Variants in MBNL3 observed in about 807,000 individuals in gnomAD.
The protein encoded by MBNL3 is muscleblind-like protein 3.
Under a neutral mutation model 24.5 loss-of-function variants are expected in MBNL3, and 6 were observed. That is an observed-to-expected ratio of 0.25 (90% CI 0.13 to 0.48). MBNL3 has a LOEUF of 0.48. Ranked by LOEUF, MBNL3 falls within the 20% of genes least tolerant of loss-of-function variation. The pLI is 0.99. For synonymous variants in MBNL3, 100 were observed against 101.7 expected (o/e 0.98, Z 0.10); for missense variants, 230 against 293.5 (o/e 0.78, Z 1.58).
At chrX:132,393,830 A>G (rs139502350) in intron 3 of MBNL3, among the ~76,000 whole-genome samples, 14 of 111,117 alleles carry the variant, frequency 1.3e-4, no homozygotes, top group African/African-American at 3.9e-4. Flanking sequence ...CTGTGCCCAT[A>G]CCTGCTAAGT....
At chrX:132,451,751 C>A (rs1160489844) in intron 1 of MBNL3, among the ~76,000 whole-genome samples, 5 of 111,487 alleles carry the variant, frequency 4.5e-5, no homozygotes, top group Non-Finnish European at 9.4e-5. Flanking sequence ...CAGTGTCTCC[C>A]CAAACGGCTG....
chrX:132,375,973 T>A lies in MBNL3; in HGVS notation c.*3693A>T, dbSNP rs1368308902. The A allele has an allele frequency of 8.9e-6, 1 of 111,996 alleles. No homozygotes were observed. The highest frequency in any genetic ancestry group is 1.9e-5 in the Non-Finnish European group (1 of 53,070). The allele number at this position is 111,996 out of a possible 1,213,427, so 9.2% of individuals were successfully genotyped here. On this transcript the variant is annotated 3_prime_UTR_variant, in exon 9 of 9. Transcript: ENST00000370853. ...ATGTCATTCCTTATTCAGATACCAC[T>A]ATGCTTATTGGTAATGCTACTTAAA...
At chrX:132,397,454 ATAT>A (rs767719475) in intron 3 of MBNL3, among the ~76,000 whole-genome samples, 12 of 111,505 alleles carry the variant, frequency 1.1e-4, no homozygotes, top group Non-Finnish European at 1.9e-4. Context: ...TGAATGTAAA[ATAT>A]TTCAAAATCC....
chrX:132,393,548 G>GT (rs1937521581), intron 3 of MBNL3, among the ~76,000 whole-genome samples: 1 of 111,097 alleles, frequency 9.0e-6, no homozygotes, highest in African/African-American at 3.3e-5. Context: ...TGTCAATGTG[G>GT]TTTTATTCCT....
Position 132,382,292 on chromosome X carries a change from G to C in MBNL3, c.959-20C>G. 8.7e-7 allele frequency: 1 copy of C among 1,148,250 alleles called. No individual in the cohort carries two copies. Among genetic ancestry groups the C allele is most frequent in the Non-Finnish European group, 1.2e-6 (1 of 842,123 alleles). The allele number at this position is 1,148,250 out of a possible 1,213,427, so 94.6% of individuals were successfully genotyped here. A position where few individuals can be genotyped will look rare whatever the true frequency, so the allele number is the denominator to read the frequency against. On this transcript the variant is annotated intron_variant, in intron 7 of 8. Coordinates refer to ENST00000370853, the MANE Select transcript of MBNL3 (RefSeq NM_001386889.1). Reference sequence around the variant, plus strand: ...TGGGCACTTTCAGTTGAAAACCATAGAAGCAACACACGGGAGGGTAGAGGA... The same window carrying C: ...TGGGCACTTTCAGTTGAAAACCATACAAGCAACACACGGGAGGGTAGAGGA...
intron 3 of MBNL3, among the ~76,000 whole-genome samples, chrX:132,395,532 G>A (rs761295227): frequency 3.6e-5 from 4 of 111,321 alleles, no homozygotes; most frequent in African/African-American, 1.3e-4. Flanking sequence ...TCATCTTTCT[G>A]AGTGTTGTCA....
chrX:132,383,913 A>G (rs756611420), intron 7 of MBNL3, among the ~76,000 whole-genome samples: 1 of 111,414 alleles, frequency 9.0e-6, no homozygotes, highest in East Asian at 2.8e-4. Flanking sequence ...GAACAGAGCT[A>G]TTTTCTCCTG....
At chrX:132,442,316 C>CA (rs1399873552) in intron 1 of MBNL3, among the ~76,000 whole-genome samples, 1 of 112,024 alleles carries the variant, frequency 8.9e-6, no homozygotes, top group Non-Finnish European at 1.9e-5. Flanking sequence ...ACATGACAAT[C>CA]AAAAACAGCC....
At chrX:132,431,426 T>C (rs773324063) in intron 2 of MBNL3, 19 of 112,080 alleles carry the variant, frequency 1.7e-4, no homozygotes, top group African/African-American at 5.8e-4. Flanking sequence ...CATCATTTAG[T>C]TTCTTGCTCA....
At chrX:132,408,434 A>G (rs1942215277) in intron 2 of MBNL3, among the ~76,000 whole-genome samples, 1 of 110,219 alleles carries the variant, frequency 9.1e-6, no homozygotes, top group Admixed American at 9.7e-5. Flanking sequence ...CTATATAATG[A>G]AGACTGTCTT....
intron 1 of MBNL3, among the ~76,000 whole-genome samples, chrX:132,448,268 G>T (rs1485548727): frequency 2.7e-5 from 3 of 111,694 alleles, no homozygotes; most frequent in Admixed American, 9.5e-5. Flanking sequence ...GAATTCATCT[G>T]GTCCTGGGCT....
intron 2 of MBNL3, among the ~76,000 whole-genome samples, chrX:132,410,915 TTC>T (rs1362775899): frequency 1.8e-5 from 2 of 112,080 alleles, no homozygotes; most frequent in Non-Finnish European, 3.8e-5. Flanking sequence ...CCTCTTAGAA[TTC>T]TGTCTTTACA....
chrX:132,489,880 A>G (rs1948207434), upstream of MBNL3: 1 of 111,345 alleles, frequency 9.0e-6, no homozygotes, highest in South Asian at 3.7e-4. Flanking sequence ...TCCCGCGCCC[A>G]CCCCGGACTC....
chrX:132,479,903 T>C (rs890578737), intron 1 of MBNL3, among the ~76,000 whole-genome samples: 4 of 111,319 alleles, frequency 3.6e-5, no homozygotes, highest in African/African-American at 1.3e-4. Context: ...TGGGGGGCGC[T>C]GTCACATAGC....
intron 1 of MBNL3, among the ~76,000 whole-genome samples, chrX:132,443,695 C>G (rs1291936519): frequency 9.0e-6 from 1 of 111,290 alleles, no homozygotes; most frequent in Non-Finnish European, 1.9e-5. Context: ...GACTTCAGTA[C>G]AAACTTCTAA....
At chrX:132,396,639 CAT>C (rs1370834679) in intron 3 of MBNL3, among the ~76,000 whole-genome samples, 8 of 17,098 alleles carry the variant, frequency 4.7e-4, no homozygotes, top group Non-Finnish European at 5.3e-4. Context: ...TATATATTCA[CAT>C]ATATATATTC....
chrX:132,396,210 G>A (rs968690692), intron 3 of MBNL3, among the ~76,000 whole-genome samples: 2 of 105,344 alleles, frequency 1.9e-5, no homozygotes, highest in South Asian at 8.3e-4. Flanking sequence ...GAACCTCACA[G>A]CCTAAAATAT....
chrX:132,382,234 C>A lies in MBNL3; in HGVS notation c.997G>T (p.Ala333Ser). 1 of 1,210,868 alleles carries A rather than the reference C, an allele frequency of 8.3e-7. No homozygotes were observed. Among genetic ancestry groups the A allele is most frequent in the Non-Finnish European group, 1.1e-6 (1 of 894,984 alleles). ...MHGATPTTVS[A>S]ATTPATSVPF... ...ACGCTGGTGGCAGGTGTTGTTGCTG[C>A]AGACACAGTGGTAGGTGTAGCACCG... is the stretch of plus-strand genomic sequence containing the variant. Residue 333 changes from alanine to serine, a missense_variant, in exon 8 of 9, where the codon GCA becomes TCA. Coordinates refer to ENST00000370853, the MANE Select transcript of MBNL3 (RefSeq NM_001386889.1).
At position 132,371,065 on chromosome X, in the gene MBNL3, G is replaced by C. The variant is rs191593565; in HGVS notation, c.*8601C>G. 6.9e-4 allele frequency: 77 copies of C among 111,537 alleles called. No homozygotes were observed. Among genetic ancestry groups the C allele is most frequent in the African/African-American group, 2.2e-3 (69 of 30,726 alleles). 9.2% of individuals were successfully genotyped at this position (111,537 alleles called of 1,213,427 possible). A position where few individuals can be genotyped will look rare whatever the true frequency, so the allele number is the denominator to read the frequency against. ...ATATACTGAACTGTTTTTAGTGCTG[G>C]TATTATCAGACTCACAGAAACACCT... On this transcript the variant is annotated 3_prime_UTR_variant, in exon 9 of 9. Transcript: ENST00000370853.
Sources: allele counts gnomAD v4.1 joint callset (sites outside exome capture counted in the v4.1 genomes callset), GRCh38; gene constraint gnomAD v4.1.1; transcripts MANE v1.5; gene names NCBI Gene and HGNC (gene_info 2026-07-23, HGNC 2026-07-21).